The following ITGA11 variants were observed in gnomAD, a reference collection of about 807,000 sequenced individuals.
The protein encoded by ITGA11 is integrin subunit alpha 11.
ITGA11 carries 97 observed loss-of-function variants against 141.9 expected under a neutral mutation model. The observed-to-expected ratio is 0.68, with a 90% CI of 0.58 to 0.81. The LOEUF is 0.81. Among genes scored for constraint, ITGA11 ranks in the 30% least tolerant of loss-of-function variants. The pLI, the probability that ITGA11 is intolerant of heterozygous loss-of-function variation, is 0.00. For synonymous variants in ITGA11, 658 were observed against 624.6 expected (o/e 1.05, Z -0.80); for missense variants, 1,387 against 1,559.2 (o/e 0.89, Z 1.86).
intron 20 of ITGA11, among the ~76,000 whole-genome samples, chr15:68,318,031 T>C (rs1467453110): frequency 6.6e-6 from 1 of 152,190 alleles, no homozygotes; most frequent in Non-Finnish European, 1.5e-5. Flanking sequence ...GTGATCAGAC[T>C]AACACATCTG....
rs1251681085 is a variant in ITGA11 at position 68,335,920 on chromosome 15, G to A, written c.1277-75C>T. 10 of 1,523,180 alleles carry A rather than the reference G, an allele frequency of 6.6e-6. No individual in the cohort carries two copies. Among genetic ancestry groups the A allele is most frequent in the Non-Finnish European group, 8.9e-6 (10 of 1,123,530 alleles). 94.4% of individuals were successfully genotyped at this position (1,523,180 alleles called of 1,614,324 possible). A position where few individuals can be genotyped will look rare whatever the true frequency, so the allele number is the denominator to read the frequency against. ...CGTTGCTTGGCCCGGTGCATGGCTT[G>A]GCAGTGCCAGAGGATGGGCCAGTGA... On this transcript the variant is annotated intron_variant, in intron 11 of 29. Coordinates refer to ENST00000315757, the MANE Select transcript of ITGA11 (RefSeq NM_001004439.2). This position sits in a 1 kb window ranked among gnomAD's most constrained non-coding sequence, Gnocchi z 4.9.
intron 26 of ITGA11, among the ~76,000 whole-genome samples, chr15:68,309,332 G>T (rs1161514553): frequency 6.6e-6 from 1 of 152,128 alleles, no homozygotes; most frequent in African/African-American, 2.4e-5. Context: ...GTTAATCAAA[G>T]CTTTAGCAGA....
chr15:68,335,686 C>G lies in ITGA11; in HGVS notation c.1425+11G>C. 1 of 1,613,084 alleles carries G rather than the reference C, an allele frequency of 6.2e-7. No homozygotes were observed. Among genetic ancestry groups the G allele is most frequent in the Non-Finnish European group, 8.5e-7 (1 of 1,179,512 alleles). On this transcript the variant is annotated intron_variant, in intron 12 of 29. Transcript: ENST00000315757. The surrounding 1 kb of genome is among the most constrained non-coding windows in gnomAD (Gnocchi z 4.9). ...TCCCTCCATCCCGGCCCCAGGCTCC[C>G]CCTCCATTACCTGCTGGCCCCGCAT... is the stretch of plus-strand genomic sequence containing the variant.
At chr15:68,384,079 T>C (rs1395417326) in intron 2 of ITGA11, among the ~76,000 whole-genome samples, 4 of 151,900 alleles carry the variant, frequency 2.6e-5, no homozygotes, top group African/African-American at 9.7e-5. Context: ...ATGGCTGAAC[T>C]CCTGCCTTTC....
At chr15:68,366,742 G>T (rs192342761) in intron 3 of ITGA11, among the ~76,000 whole-genome samples, 2 of 152,120 alleles carry the variant, frequency 1.3e-5, no homozygotes, top group East Asian at 1.9e-4. Flanking sequence ...TCTGGGTGAG[G>T]GTCCCGGGCC....
intron 2 of ITGA11, among the ~76,000 whole-genome samples, chr15:68,400,021 T>A (rs1315261683): frequency 6.6e-6 from 1 of 152,156 alleles, no homozygotes; most frequent in Non-Finnish European, 1.5e-5. Context: ...TCGAGACTTA[T>A]TTTAAAGCTG....
chr15:68,324,817 T>G lies in ITGA11; in HGVS notation c.2322+314A>C, dbSNP rs1056068549. ...GGAGGTGGGTGATTAAGATCTCCGATCCCTTCTCATCCAGTGGTTCTTTGT... is the reference window on the plus strand; with the variant it reads ...GGAGGTGGGTGATTAAGATCTCCGAGCCCTTCTCATCCAGTGGTTCTTTGT... On this transcript the variant is annotated intron_variant, in intron 18 of 29. Transcript: ENST00000315757. The surrounding 1 kb of genome is among the most constrained non-coding windows in gnomAD (Gnocchi z 6.3). Among the ~76,000 whole-genome samples, 2 of 152,148 alleles carry G rather than the reference T, an allele frequency of 1.3e-5. No individual in the cohort carries two copies. The highest frequency in any genetic ancestry group is 2.9e-5 in the Non-Finnish European group (2 of 68,030).
Position 68,357,256 on chromosome 15 carries a change from T to C in ITGA11, c.644A>G (p.His215Arg), listed in dbSNP as rs762383342. Residue 215 changes from histidine (H) to arginine (R), a missense_variant, in exon 7 of 30, where the codon CAC becomes CGC. By Grantham distance (29) the His-to-Arg change is conservative. Coordinates refer to ENST00000315757, the MANE Select transcript of ITGA11 (RefSeq NM_001004439.2). ...TTTTACAGACCTGTAGTCGTTGAGG[T>C]GAAACTCATGCACCACATCTTCGCC... ...QYGEDVVHEF[H>R]LNDYRSVKDV... The C allele has an allele frequency of 4.0e-5, 65 of 1,613,682 alleles. No individual in the cohort carries two copies. Among genetic ancestry groups the C allele is most frequent in the Non-Finnish European group, 5.1e-5 (60 of 1,179,858 alleles).
chr15:68,332,395 G>A lies in ITGA11; in HGVS notation c.1509C>T (p.Pro503=). The part of the protein sequence containing the change: ...GVTDVLLVGA[P]MYFNEGRERG... ...GCTCACGGCCCTCGTTGAAGTACAT[G>A]GGTGCGCCCACCAGCAGGACATCAG... Residue 503 remains proline, a synonymous_variant, in exon 13 of 30, where the codon CCC becomes CCT. Coordinates refer to ENST00000315757, the MANE Select transcript of ITGA11 (RefSeq NM_001004439.2). The A allele has an allele frequency of 1.2e-6, 2 of 1,610,466 alleles. No homozygotes were observed. The highest frequency in any genetic ancestry group is 1.7e-6 in the Non-Finnish European group (2 of 1,178,634).
chr15:68,366,424 C>T (rs1895425929), intron 3 of ITGA11, among the ~76,000 whole-genome samples: 1 of 152,156 alleles, frequency 6.6e-6, no homozygotes, highest in Admixed American at 6.5e-5. Context: ...TGTTTTCTCC[C>T]ATCTGATGGC....
chr15:68,334,530 A>G (rs562251281), intron 12 of ITGA11, among the ~76,000 whole-genome samples: 1 of 152,302 alleles, frequency 6.6e-6, no homozygotes, highest in African/African-American at 2.4e-5. Flanking sequence ...AAAGCTTTTA[A>G]CTGAGGAGAA....
At chr15:68,431,623 C>T (rs536473450) in intron 1 of ITGA11, among the ~76,000 whole-genome samples, 1 of 152,236 alleles carries the variant, frequency 6.6e-6, no homozygotes, top group Admixed American at 6.5e-5. Flanking sequence ...GGCGCTGATT[C>T]CCTTCCCCAG....
intron 1 of ITGA11, among the ~76,000 whole-genome samples, chr15:68,407,029 T>C (rs1233982301): frequency 6.6e-6 from 1 of 152,128 alleles, no homozygotes; most frequent in Non-Finnish European, 1.5e-5. Flanking sequence ...CTTCCCTCCC[T>C]AGATCAGTTT....
chr15:68,403,655 C>T (rs1896567021), intron 1 of ITGA11, among the ~76,000 whole-genome samples: 1 of 151,488 alleles, frequency 6.6e-6, no homozygotes, highest in Non-Finnish European at 1.5e-5. Context: ...GTTTCCCTGA[C>T]ACAGAGTCTC....
chr15:68,432,128 G>C lies in ITGA11; in HGVS notation c.-62C>G. 2 of 1,248,774 alleles carry C rather than the reference G, an allele frequency of 1.6e-6. No homozygotes were observed. The highest frequency in any genetic ancestry group is 2.1e-6 in the Non-Finnish European group (2 of 971,534). The allele number at this position is 1,248,774 out of a possible 1,614,324, so 77.4% of individuals were successfully genotyped here. ...GCGGCGGGGGGCGGCAAGCCAGAGC[G>C]GCAGCCTCCTCGGCGCGGCGCCTGC... On this transcript the variant is annotated 5_prime_UTR_variant, in exon 1 of 30. Coordinates refer to ENST00000315757, the MANE Select transcript of ITGA11 (RefSeq NM_001004439.2).
Position 68,311,030 on chromosome 15 carries a change from G to C in ITGA11, c.3138C>G (p.Thr1046=). The change falls in exon 26 of 30, where the codon ACC becomes ACG. Residue 1046 remains threonine, a synonymous_variant. Coordinates refer to ENST00000315757, the MANE Select transcript of ITGA11 (RefSeq NM_001004439.2). The part of the protein sequence containing the change: ...IWGNSTEYRP[T]PVEEDLRRAP... ...CACGACGCAAGTCTTCCTCCACTGG[G>C]GTGGGCCGGTACTCAGTGCTATTGC... 1 of 1,607,068 alleles carries C rather than the reference G, an allele frequency of 6.2e-7. No homozygotes were observed. Among genetic ancestry groups the C allele is most frequent in the South Asian group, 1.1e-5 (1 of 89,442 alleles).
intron 10 of ITGA11, among the ~76,000 whole-genome samples, chr15:68,340,046 A>G (rs988447392): frequency 1.3e-5 from 2 of 152,056 alleles, no homozygotes; most frequent in African/African-American, 2.4e-5. Context: ...CCCTTCTTTA[A>G]TATTTCTTTG....
At chr15:68,381,753 G>T (rs1309744374) in intron 2 of ITGA11, among the ~76,000 whole-genome samples, 1 of 152,156 alleles carries the variant, frequency 6.6e-6, no homozygotes, top group Non-Finnish European at 1.5e-5. Context: ...ATGGGGTTTT[G>T]CCATGTTGGC....
At chr15:68,385,973 G>T (rs1895976048) in intron 2 of ITGA11, among the ~76,000 whole-genome samples, 1 of 152,066 alleles carries the variant, frequency 6.6e-6, no homozygotes, top group Admixed American at 6.5e-5. Flanking sequence ...GCGCCTCCTG[G>T]GCCTGTCTCC....
Sources: gnomAD v4.1 joint callset for allele counts (sites outside exome capture counted in the v4.1 genomes callset) on GRCh38, gnomAD v4.1.1 for gene constraint, Gnocchi (gnomAD v3.1) non-coding constraint, MANE v1.5 for transcripts, NCBI Gene and HGNC (gene_info 2026-07-23, HGNC 2026-07-21) for gene names.